Variants in UTP4 observed in about 807,000 individuals in gnomAD.
The protein encoded by UTP4 is UTP4 small subunit processome component, also known as U3 small nucleolar RNA-associated protein 4 homolog.
In UTP4, 45 loss-of-function variants were observed where a neutral mutation model predicts 82.4. That is an observed-to-expected ratio of 0.55 (90% CI 0.43 to 0.70). The LOEUF is 0.70. Ranked by LOEUF, UTP4 falls within the 30% of genes least tolerant of loss-of-function variation. The pLI is 0.00. For synonymous variants in UTP4, 348 were observed against 300.3 expected (o/e 1.16, Z -1.64); for missense variants, 819 against 858.3 (o/e 0.95, Z 0.57).
chr16:69,155,184 A>G (rs1324406105), intron 10 of UTP4, among the ~76,000 whole-genome samples: 3 of 151,860 alleles, frequency 2.0e-5, no homozygotes, highest in Admixed American at 6.6e-5. Context: ...TTGTTTGCTT[A>G]CTTTTTTGAG....
intron 6 of UTP4, among the ~76,000 whole-genome samples, chr16:69,145,292 A>T (rs1963077917): frequency 6.6e-6 from 1 of 151,930 alleles, no homozygotes; most frequent in Non-Finnish European, 1.5e-5. Context: ...ACAGTCTCTC[A>T]CTCTGTCTCC....
intron 13 of UTP4, among the ~76,000 whole-genome samples, chr16:69,160,751 C>T (rs1383783873): frequency 2.0e-5 from 3 of 151,912 alleles, no homozygotes; most frequent in Middle Eastern, 6.8e-3. Flanking sequence ...TGTGTGCCTC[C>T]ACACCTGGCT....
At position 69,156,599 on chromosome 16, in the gene UTP4, C is replaced by CAGGT. The variant is rs754804987; in HGVS notation, c.1288-484_1288-481dup. Among the ~76,000 whole-genome samples the CAGGT allele has an allele frequency of 5.3e-5, 8 of 151,996 alleles. No homozygotes were observed. The East Asian group carries it at 1.5e-3, about 29-fold the overall frequency. The stretch of plus-strand genomic sequence containing the variant: ...TCAGCCTCCCGAGTAGCTGGGATTA[C>CAGGT]AGGTGCCCACCACCAGGCCTGGCTA... On this transcript the variant is annotated intron_variant, in intron 11 of 16. Transcript: ENST00000314423.
intron 8 of UTP4, among the ~76,000 whole-genome samples, chr16:69,151,543 A>T (rs1963268879): frequency 7.2e-6 from 1 of 139,118 alleles, no homozygotes; most frequent in South Asian, 2.3e-4. Context: ...GATGGTCTTG[A>T]TCTCCTGACT....
rs757414871 is a variant in UTP4, at chr16:69,157,166, A to C, written c.1370A>C (p.Asn457Thr). The change falls in exon 12 of 17, where the codon AAT (asparagine) becomes ACT (threonine). Residue 457 changes from asparagine (N) to threonine (T), a missense_variant. Asn to Thr is a moderately conservative substitution (Grantham distance 65, BLOSUM62 0). Transcript: ENST00000314423. ...TCAACAAAGCTCTTTGTAGCATCAA[A>C]TCAAGGAGCTCTGCATATTGTTCAG... ...EDSTKLFVAS[N>T]QGALHIVQLS... The C allele has an allele frequency of 1.1e-5, 17 of 1,614,210 alleles. No individual in the cohort carries two copies. The South Asian group carries it at 1.8e-4, about 17-fold the overall frequency.
chr16:69,149,030 G>T (rs1963192961), intron 6 of UTP4, among the ~76,000 whole-genome samples: 1 of 151,882 alleles, frequency 6.6e-6, no homozygotes, highest in African/African-American at 2.4e-5. Flanking sequence ...CGGATCACCT[G>T]AGGTCAGGAG....
At chr16:69,155,011 C>T (rs1338861100) in intron 10 of UTP4, among the ~76,000 whole-genome samples, 3 of 151,744 alleles carry the variant, frequency 2.0e-5, no homozygotes, top group East Asian at 2.0e-4. Context: ...TGAGCCACCG[C>T]GCCCAGCCAT....
rs747688337 is a variant in UTP4, at chr16:69,167,140, C to G, written c.1899C>G (p.Ile633Met). 10 of 1,613,706 alleles carry G rather than the reference C, an allele frequency of 6.2e-6. No individual in the cohort carries two copies. In the East Asian group the frequency reaches 2.2e-4, roughly 36 times the overall value. ...PFPPTNESDV[I>M]RRRTAHAFKI... is the part of the protein sequence containing the mutation. ...CTCCCACGAATGAATCAGATGTCAT[C>G]CGGAGGCGCACAGCTCATGCTTTTA... The change falls in exon 16 of 17, where the codon ATC becomes ATG. Residue 633 changes from isoleucine (I) to methionine (M), a missense_variant. Physicochemically the swap from Ile to Met is conservative, Grantham distance 10 (BLOSUM62 1). Transcript: ENST00000314423.
At position 69,168,877 on chromosome 16, in the gene UTP4, T is replaced by C; in HGVS notation, c.2001T>C (p.Pro667=). The C allele has an allele frequency of 6.2e-7, 1 of 1,614,114 alleles. No individual in the cohort carries two copies. Among genetic ancestry groups the C allele is most frequent in the Non-Finnish European group, 8.5e-7 (1 of 1,179,974 alleles). ...DERTLVAVER[P]LDDIIAQLPP... ...GAACACTCGTGGCAGTAGAACGGCC[T>C]CTGGATGACATCATTGCTCAGCTCC... The change falls in exon 17 of 17, where the codon CCT becomes CCC. Residue 667 remains proline (P), a synonymous_variant. Coordinates refer to ENST00000314423, the MANE Select transcript of UTP4 (RefSeq NM_032830.3).
chr16:69,152,464 C>CTTTTTTTTTTTTTTTT (rs58914042), intron 8 of UTP4, among the ~76,000 whole-genome samples: 1 of 107,144 alleles, frequency 9.3e-6, no homozygotes, highest in Non-Finnish European at 2.0e-5. Context: ...TTCTGTTTTT[C>CTTTTTTTTTTTTTTTT]TTTTTTTTTT....
Position 69,137,876 on chromosome 16 carries a change from C to G in UTP4, c.427C>G (p.Arg143Gly), listed in dbSNP as rs200047779. 2 of 1,606,320 alleles carry G rather than the reference C, an allele frequency of 1.2e-6. No homozygotes were observed. The highest frequency in any genetic ancestry group is 1.7e-6 in the Non-Finnish European group (2 of 1,173,096). Residue 143 changes from arginine to glycine, a missense_variant, in exon 4 of 17, where the codon CGG becomes GGG. By Grantham distance (125) the Arg-to-Gly change is moderately radical. Transcript: ENST00000314423. ...AATCCAGTTTGAAAGAAATTTTGAT[C>G]GGCAGAAAAGTAAGCGTCATTTTTC... ...DKIQFERNFDRQKSRILSLSW... is the reference protein window; with the variant it reads ...DKIQFERNFDGQKSRILSLSW...
At chr16:69,151,351 C>A (rs1169171009) in intron 8 of UTP4, among the ~76,000 whole-genome samples, 1 of 129,430 alleles carries the variant, frequency 7.7e-6, no homozygotes, top group Admixed American at 8.5e-5. Flanking sequence ...GAGACTGAGT[C>A]TCTCTCTGTC....
intron 2 of UTP4, 85 bp downstream of exon 2, chr16:69,133,703 CTGAT>C: frequency 7.2e-7 from 1 of 1,397,164 alleles, no homozygotes; most frequent in Non-Finnish European, 1.0e-6. Context: ...TATAATCAAA[CTGAT>C]TGAGTGACTT....
chr16:69,136,761 T>C lies in UTP4; in HGVS notation c.225T>C (p.Phe75=), dbSNP rs1196058798. The C allele has an allele frequency of 1.9e-6, 3 of 1,614,018 alleles. No homozygotes were observed. Among genetic ancestry groups the C allele is most frequent in the African/African-American group, 1.3e-5 (1 of 74,934 alleles). ...GCTGGGCAGAAGGACAGCGACTCTT[T>C]AGTGCTGGGCTCAATGGCGAGATTA... ...ALCWAEGQRL[F]SAGLNGEIME... Residue 75 remains phenylalanine (F), a synonymous_variant, in exon 3 of 17, where the codon TTT becomes TTC. Coordinates refer to ENST00000314423, the MANE Select transcript of UTP4 (RefSeq NM_032830.3).
intron 14 of UTP4, among the ~76,000 whole-genome samples, chr16:69,164,169 C>T (rs1381993497): frequency 6.6e-6 from 1 of 152,072 alleles, no homozygotes; most frequent in Non-Finnish European, 1.5e-5. Context: ...CAGGCTTGAG[C>T]CACCGCGCCC....
rs1963765522 is a variant in UTP4 at position 69,168,756 on chromosome 16, G to A, written c.1945-65G>A. Reference sequence around the variant, plus strand: ...TTAGCTTAGATGGTGTCTACCTACAGTCAGTTCTTTCAGGACTAGCCCTGG... The same window carrying A: ...TTAGCTTAGATGGTGTCTACCTACAATCAGTTCTTTCAGGACTAGCCCTGG... On this transcript the variant is annotated intron_variant, in intron 16 of 16. Transcript: ENST00000314423. 3 of 979,370 alleles carry A rather than the reference G, an allele frequency of 3.1e-6. No homozygotes were observed. In the African/African-American group the frequency reaches 4.8e-5, roughly 16 times the overall value. The allele number at this position is 979,370 out of a possible 1,614,324, so 60.7% of individuals were successfully genotyped here. A position where few individuals can be genotyped will look rare whatever the true frequency, so the allele number is the denominator to read the frequency against.
intron 1 of UTP4, 30 bp downstream of exon 1, chr16:69,132,719 C>T: frequency 3.7e-6 from 1 of 273,248 alleles, no homozygotes; most frequent in South Asian, 2.7e-5. Context: ...TGGGAAGCGG[C>T]TGCGAGAGCT....
intron 14 of UTP4, among the ~76,000 whole-genome samples, chr16:69,164,616 G>GTATA (rs1385908226): frequency 1.9e-5 from 2 of 104,842 alleles, no homozygotes; most frequent in African/African-American, 6.6e-5. Context: ...ATATATATAT[G>GTATA]TATATATATA....
At chr16:69,144,600 G>A (rs1963057623) in intron 6 of UTP4, among the ~76,000 whole-genome samples, 2 of 152,206 alleles carry the variant, frequency 1.3e-5, no homozygotes, top group Admixed American at 6.5e-5. Flanking sequence ...TTGTTGACCA[G>A]CTCCTTTATT....
Sources: gnomAD v4.1 joint callset for allele counts (sites outside exome capture counted in the v4.1 genomes callset) on GRCh38, gnomAD v4.1.1 for gene constraint, MANE v1.5 for transcripts, NCBI Gene and HGNC (gene_info 2026-07-23, HGNC 2026-07-21) for gene names.